Variants in CHEK2 observed in about 807,000 individuals in gnomAD.
The protein encoded by CHEK2 is serine/threonine-protein kinase Chk2.
In CHEK2, 71 loss-of-function variants were observed where a neutral mutation model predicts 69.1. That is an observed-to-expected ratio of 1.03 (90% CI 0.85 to 1.25). The LOEUF (loss-of-function observed/expected upper bound fraction) is 1.25, where lower values mean the gene tolerates loss of function less well. Ranked by LOEUF, CHEK2 falls within the 50% of genes most tolerant of loss-of-function variation. CHEK2 has a pLI of 0.00. For synonymous variants in CHEK2, 189 were observed against 226.9 expected, an observed-to-expected ratio of 0.83 and a Z score of 1.50; for missense variants, 664 against 649.6, an observed-to-expected ratio of 1.02 and a Z score of -0.24.
At chr22:28,710,419 T>C (rs2053352311) in intron 6 of CHEK2, among the ~76,000 whole-genome samples, 2 of 152,250 alleles carry the variant, frequency 1.3e-5, no homozygotes, top group African/African-American at 4.8e-5. Context: ...GTTTCCACTG[T>C]GTTCATTTTA....
intron 2 of CHEK2, among the ~76,000 whole-genome samples, chr22:28,727,381 C>A (rs973203089): frequency 4.6e-5 from 7 of 152,152 alleles, no homozygotes; most frequent in Admixed American, 1.3e-4. Context: ...CACCTGTTAT[C>A]ATAATGTTAT....
chr22:28,736,669 G>C (rs1426502074), intron 1 of CHEK2, among the ~76,000 whole-genome samples: 1 of 152,196 alleles, frequency 6.6e-6, no homozygotes, highest in Non-Finnish European at 1.5e-5. Flanking sequence ...GCTGGGTGCA[G>C]TGGCTCATAC....
intron 4 of CHEK2, among the ~76,000 whole-genome samples, chr22:28,720,534 T>C (rs1280720433): frequency 6.6e-6 from 1 of 152,162 alleles, no homozygotes; most frequent in African/African-American, 2.4e-5. Context: ...CAATGATAAA[T>C]TTGCAATTGC....
rs587782527 is a variant in CHEK2 at position 28,695,753 on chromosome 22, G to A, written c.1216C>T (p.Arg406Cys). Residue 406 changes from arginine to cysteine, a missense_variant, in exon 11 of 15, where the codon CGT becomes TGT. Coordinates refer to ENST00000404276, the MANE Select transcript of CHEK2 (RefSeq NM_007194.4). ...LVSVGTAGYNRAVDCWSLGVI... is the reference protein window; with the variant it reads ...LVSVGTAGYNCAVDCWSLGVI... ...CCTAAACTCCAGCAGTCCACAGCAC[G>A]GTTATACCCAGCAGTCCCAACAGAA... 6.4e-5 allele frequency: 103 copies of A among 1,613,698 alleles called. No homozygotes were observed. In the Middle Eastern group the frequency reaches 1.2e-3, roughly 18 times the overall value.
At chr22:28,731,370 G>A (rs544982816) in intron 2 of CHEK2, among the ~76,000 whole-genome samples, 4 of 152,222 alleles carry the variant, frequency 2.6e-5, no homozygotes, top group Non-Finnish European at 4.4e-5. Flanking sequence ...AGGCCAAGGC[G>A]GGCAGATCAC....
intron 9 of CHEK2, among the ~76,000 whole-genome samples, chr22:28,698,264 G>A (rs535590052): frequency 9.8e-5 from 13 of 133,082 alleles, no homozygotes; most frequent in Admixed American, 7.0e-4. Context: ...GGACATGGTG[G>A]CAGGCACCTG....
chr22:28,691,661 ACTCCAGTTTAGGCAACAGAAGAAGAC>A (rs1220769228), intron 13 of CHEK2, among the ~76,000 whole-genome samples: 4 of 152,244 alleles, frequency 2.6e-5, no homozygotes. Context: ...GCACCAGTGC[ACTCCAGTTTAGGCAACAGAAGAAGAC>A]CTTGTCTCCA....
Position 28,734,464 on chromosome 22 carries a change from C to A in CHEK2, c.258G>T (p.Glu86Asp), listed in dbSNP as rs1201436179. 6.2e-7 allele frequency: 1 copy of A among 1,613,650 alleles called. No homozygotes were observed. The highest frequency in any genetic ancestry group is 8.5e-7 in the Non-Finnish European group (1 of 1,179,744). The stretch of plus-strand genomic sequence containing the variant: ...GAGCCCAGGGGGCAGGGGTAGGCTC[C>A]TCAGGTTCTTGGTCCTCAGGTTCTT... ...EDQEPEDQEP[E>D]EPTPAPWARL... Residue 86 changes from glutamate to aspartate, a missense_variant, in exon 2 of 15, where the codon GAG (glutamate) becomes GAT (aspartate). Transcript: ENST00000404276.
chr22:28,707,568 C>T (rs549009758), intron 7 of CHEK2, among the ~76,000 whole-genome samples: 9 of 152,182 alleles, frequency 5.9e-5, no homozygotes, highest in Non-Finnish European at 1.2e-4. Flanking sequence ...GAAAAGTAAT[C>T]ACATCAATCT....
In CHEK2 at chr22:28,695,252, G is replaced by C. The variant is rs730881706; in HGVS notation, c.1260-10C>G. ...TGGATACCCACTAAGGCTTAATATT[G>C]GTAGAGAGAGAAAGGAAAAGAAATC... On this transcript the variant is annotated splice_polypyrimidine_tract_variant and intron_variant, in intron 11 of 14. Transcript: ENST00000404276. The C allele has an allele frequency of 7.1e-5, 104 of 1,456,854 alleles. No individual in the cohort carries two copies. Among genetic ancestry groups the C allele is most frequent in the Non-Finnish European group, 9.8e-5 (102 of 1,037,156 alleles). 90.2% of individuals were successfully genotyped at this position (1,456,854 alleles called of 1,614,324 possible).
At chr22:28,704,289 A>AT (rs917122995) in intron 7 of CHEK2, among the ~76,000 whole-genome samples, 39 of 147,660 alleles carry the variant, frequency 2.6e-4, no homozygotes, top group African/African-American at 5.7e-4. Context: ...TAGCACACCT[A>AT]TTTTTTTTTT....
chr22:28,732,098 C>T (rs1434999229), intron 2 of CHEK2, among the ~76,000 whole-genome samples: 8 of 151,720 alleles, frequency 5.3e-5, no homozygotes, highest in Non-Finnish European at 5.9e-5. Flanking sequence ...CCTGCCACAA[C>T]GCCCCGCAAA....
chr22:28,717,549 T>C (rs2053625515), intron 5 of CHEK2, among the ~76,000 whole-genome samples: 1 of 149,346 alleles, frequency 6.7e-6, no homozygotes, highest in African/African-American at 2.5e-5. Context: ...GCCTAGGCAA[T>C]ACAGCAAGAC....
chr22:28,725,997 G>A (rs1222050285), intron 2 of CHEK2, among the ~76,000 whole-genome samples: 7 of 151,540 alleles, frequency 4.6e-5, no homozygotes, highest in African/African-American at 1.7e-4. Context: ...GAGGTCAGGA[G>A]TTCAAGACCA....
chr22:28,724,719 A>T, intron 4 of CHEK2: 1 of 452,010 alleles, frequency 2.2e-6, no homozygotes, highest in Non-Finnish European at 4.3e-6. Flanking sequence ...GGCATGCACC[A>T]CCATGCCCGG....
intron 2 of CHEK2, among the ~76,000 whole-genome samples, chr22:28,730,201 A>G: frequency 3.1e-5 from 1 of 32,546 alleles, no homozygotes; most frequent in South Asian, 1.2e-3. Context: ...AGGAGAAAGG[A>G]GAGAGGAAGA....
Position 28,725,059 on chromosome 22 carries a change from T to C in CHEK2, c.510A>G (p.Val170=), listed in dbSNP as rs1157102702. The change falls in exon 4 of 15, where the codon GTA becomes GTG. Residue 170 remains valine, a synonymous_variant. Transcript: ENST00000404276. ...TTCCTTTCCCTACAAGCTCTGTATT[T>C]ACAAAGGTTCCATTGCCACTGTGAT... ...IEDHSGNGTF[V]NTELVGKGKR... 1 of 1,614,144 alleles carries C rather than the reference T, an allele frequency of 6.2e-7. No homozygotes were observed.
chr22:28,734,466 C>G lies in CHEK2; in HGVS notation c.256G>C (p.Glu86Gln), dbSNP rs551930027. ...GCCCAGGGGGCAGGGGTAGGCTCCT[C>G]AGGTTCTTGGTCCTCAGGTTCTTGG... is the stretch of plus-strand genomic sequence containing the variant. ...EDQEPEDQEP[E>Q]EPTPAPWARL... Residue 86 changes from glutamate (E) to glutamine (Q), a missense_variant, in exon 2 of 15, where the codon GAG becomes CAG. By Grantham distance (29) the Glu-to-Gln change is conservative (BLOSUM62 2). Coordinates refer to ENST00000404276, the MANE Select transcript of CHEK2 (RefSeq NM_007194.4). 1 of 1,613,654 alleles carries G rather than the reference C, an allele frequency of 6.2e-7. No homozygotes were observed. Among genetic ancestry groups the G allele is most frequent in the East Asian group, 2.2e-5 (1 of 44,860 alleles).
Position 28,712,449 on chromosome 22 carries a change from C to T in CHEK2, c.684-432G>A, listed in dbSNP as rs17879919. ...TAACTTTAATGGATAAATTTCTTTCCTTCTTATTCTCCATCTTCAAAGGAA... is the reference window on the plus strand; with the variant it reads ...TAACTTTAATGGATAAATTTCTTTCTTTCTTATTCTCCATCTTCAAAGGAA... On this transcript the variant is annotated intron_variant, in intron 5 of 14. Transcript: ENST00000404276. Among the ~76,000 whole-genome samples the T allele has an allele frequency of 2.2e-3, 341 of 152,308 alleles. 1 individual carries two copies. The highest frequency in any genetic ancestry group is 3.8e-3 in the Non-Finnish European group (260 of 68,020).
Sources: gnomAD v4.1 joint callset for allele counts (sites outside exome capture counted in the v4.1 genomes callset) on GRCh38, gnomAD v4.1.1 for gene constraint, MANE v1.5 for transcripts, NCBI Gene and HGNC (gene_info 2026-07-23, HGNC 2026-07-21) for gene names.